Variants in STAG1 observed in about 807,000 individuals in gnomAD.
STAG1 encodes STAG1 cohesin complex component.
A neutral mutation model predicts 170.9 loss-of-function variants in STAG1; 26 were observed. That is an observed-to-expected ratio of 0.15 (90% CI 0.11 to 0.21). The LOEUF is 0.21. STAG1 is among the 10% of genes least tolerant of loss of function. The pLI, the probability that STAG1 is intolerant of heterozygous loss-of-function variation, is 1.00. For synonymous variants in STAG1, 514 were observed against 497.7 expected (o/e 1.03, Z -0.44); for missense variants, 964 against 1,509.5 (o/e 0.64, Z 5.99).
intron 6 of STAG1, among the ~76,000 whole-genome samples, chr3:136,541,677 G>C (rs1935914078): frequency 1.3e-5 from 2 of 151,736 alleles, no homozygotes; most frequent in East Asian, 3.9e-4. Context: ...AGGATGTCTT[G>C]GAATCTTAAA....
intron 21 of STAG1, among the ~76,000 whole-genome samples, chr3:136,402,730 GAT>G (rs1438690608): frequency 6.6e-6 from 1 of 151,588 alleles, no homozygotes; most frequent in Non-Finnish European, 1.5e-5. Flanking sequence ...TGGAGGCTGA[GAT>G]ATGAGAATCA....
At chr3:136,666,820 T>TAA (rs754138930) in intron 1 of STAG1, among the ~76,000 whole-genome samples, 13 of 132,490 alleles carry the variant, frequency 9.8e-5, no homozygotes, top group Admixed American at 3.0e-4. Context: ...ACTCTGTCTT[T>TAA]AAAAAAAAAA....
chr3:136,537,505 G>GTTTTTTTTTTTTTTTTT, intron 6 of STAG1, among the ~76,000 whole-genome samples: 1 of 131,898 alleles, frequency 7.6e-6, no homozygotes, highest in Non-Finnish European at 1.6e-5. Flanking sequence ...TTTTTTTTTT[G>GTTTTTTTTTTTTTTTTT]TTTTTTTTTT....
chr3:136,407,655 T>C (rs1425409049), intron 21 of STAG1, among the ~76,000 whole-genome samples: 1 of 151,790 alleles, frequency 6.6e-6, no homozygotes, highest in Non-Finnish European at 1.5e-5. Context: ...AGAGACAGAG[T>C]TTCATCATGT....
chr3:136,583,041 A>G (rs1207021284), intron 4 of STAG1, among the ~76,000 whole-genome samples: 1 of 152,146 alleles, frequency 6.6e-6, no homozygotes, highest in Non-Finnish European at 1.5e-5. Context: ...TAGCTGCATT[A>G]TTTCTTTATT....
intron 6 of STAG1, among the ~76,000 whole-genome samples, chr3:136,539,986 AT>A (rs1186110001): frequency 1.3e-5 from 2 of 152,114 alleles, no homozygotes; most frequent in Non-Finnish European, 2.9e-5. Flanking sequence ...AGAATTAGAC[AT>A]TGTTCTAGAT....
In STAG1 at chr3:136,369,252, T is replaced by G. The variant is rs759632937; in HGVS notation, c.2401A>C (p.Ile801Leu). 6.3e-7 allele frequency: 1 copy of G among 1,599,794 alleles called. No individual in the cohort carries two copies. The change falls in exon 24 of 34, where the codon ATT becomes CTT. Residue 801 changes from isoleucine (I) to leucine (L), a missense_variant. By Grantham distance (5) the Ile-to-Leu change is conservative. Transcript: ENST00000383202. The stretch of plus-strand genomic sequence containing the variant: ...CCTGTCATTAATTGGTGGCTGAAAA[T>G]CATCAGAAGATCACAGAGTAACATG... Reference protein sequence around the residue: ...AFMLLCDLLMIFSHQLMTGGR... With the variant: ...AFMLLCDLLMLFSHQLMTGGR...
At chr3:136,383,346 G>A (rs949658808) in intron 22 of STAG1, among the ~76,000 whole-genome samples, 2 of 152,080 alleles carry the variant, frequency 1.3e-5, no homozygotes, top group African/African-American at 4.8e-5. Context: ...GCTCTAAATA[G>A]GTGAAAATTA....
chr3:136,676,319 C>A (rs181289050), intron 1 of STAG1, among the ~76,000 whole-genome samples: 69 of 152,342 alleles, frequency 4.5e-4, no homozygotes, highest in Non-Finnish European at 7.2e-4. Flanking sequence ...TTTTACTTTT[C>A]TTTCAATAAT....
chr3:136,683,821 C>T (rs546912489), intron 1 of STAG1, among the ~76,000 whole-genome samples: 1 of 152,254 alleles, frequency 6.6e-6, no homozygotes, highest in Admixed American at 6.5e-5. Flanking sequence ...CCAAAAAACT[C>T]TTTGAACTAA....
At chr3:136,488,284 G>A (rs922871584) in intron 9 of STAG1, among the ~76,000 whole-genome samples, 4 of 152,070 alleles carry the variant, frequency 2.6e-5, no homozygotes, top group African/African-American at 7.2e-5. Context: ...CACTGCATCC[G>A]GCTAATTTTT....
At chr3:136,592,886 G>A (rs1444492015) in intron 4 of STAG1, among the ~76,000 whole-genome samples, 1 of 152,190 alleles carries the variant, frequency 6.6e-6, no homozygotes, top group Admixed American at 6.5e-5. Context: ...AAGGTTTTCT[G>A]CTACAACTTG....
intron 14 of STAG1, among the ~76,000 whole-genome samples, chr3:136,446,803 C>G (rs1262266162): frequency 6.6e-6 from 1 of 150,852 alleles, no homozygotes; most frequent in East Asian, 2.0e-4. Flanking sequence ...CTTAATTTCT[C>G]TTTCATATTT....
At chr3:136,484,911 G>A (rs1407014477) in intron 9 of STAG1, among the ~76,000 whole-genome samples, 2 of 152,030 alleles carry the variant, frequency 1.3e-5, no homozygotes, top group East Asian at 1.9e-4. Flanking sequence ...TCCCAGGTGA[G>A]GCAATGCCTC....
chr3:136,415,155 G>A (rs1225625306), intron 21 of STAG1, among the ~76,000 whole-genome samples: 3 of 152,070 alleles, frequency 2.0e-5, no homozygotes, highest in African/African-American at 7.2e-5. Context: ...ATGCTGTTGG[G>A]AAAATGGCAC....
At chr3:136,464,433 C>CAA (rs112984570) in intron 13 of STAG1, among the ~76,000 whole-genome samples, 170 of 148,402 alleles carry the variant, frequency 1.1e-3, no homozygotes, top group African/African-American at 3.7e-3. Flanking sequence ...CAAAAAAAAA[C>CAA]AAAAAAACAA....
intron 1 of STAG1, among the ~76,000 whole-genome samples, chr3:136,745,258 C>T (rs1286058660): frequency 6.6e-6 from 1 of 152,134 alleles, no homozygotes. Context: ...GAAGGTAAGA[C>T]ATTCTCACAT....
intron 1 of STAG1, among the ~76,000 whole-genome samples, chr3:136,750,860 A>G (rs1444126231): frequency 6.6e-6 from 1 of 152,240 alleles, no homozygotes; most frequent in Non-Finnish European, 1.5e-5. Flanking sequence ...CATTATGAAT[A>G]TTAGAACAAG....
intron 25 of STAG1, among the ~76,000 whole-genome samples, chr3:136,366,540 T>C (rs901311193): frequency 1.3e-4 from 20 of 152,056 alleles, no homozygotes; most frequent in Non-Finnish European, 2.8e-4. Context: ...AAGACACAAG[T>C]AGATCAAATG....
Sources: allele counts gnomAD v4.1 joint callset (sites outside exome capture counted in the v4.1 genomes callset), GRCh38; gene constraint gnomAD v4.1.1; transcripts MANE v1.5; gene names NCBI Gene and HGNC (gene_info 2026-07-23, HGNC 2026-07-21).